The following PLA1A variants were observed in gnomAD, a reference collection of about 807,000 sequenced individuals.
The protein encoded by PLA1A is phospholipase A1 member A, also known as phosphatidylserine-specific phospholipase A1alpha.
Under a neutral mutation model 49.4 loss-of-function variants are expected in PLA1A, and 47 were observed. The observed-to-expected ratio is 0.95, with a 90% CI of 0.75 to 1.21. The LOEUF (loss-of-function observed/expected upper bound fraction) is 1.21, where lower values mean the gene tolerates loss of function less well. Among genes scored for constraint, PLA1A ranks in the 50% most tolerant of loss-of-function variants. The probability of loss-of-function intolerance (pLI) is 0.00; values close to 1 mark genes in which losing one functional copy is unlikely to be tolerated. For synonymous variants in PLA1A, 224 were observed against 207.9 expected, an observed-to-expected ratio of 1.08 and a Z score of -0.67; for missense variants, 561 against 563.9, an observed-to-expected ratio of 0.99 and a Z score of 0.05.
chr3:119,629,442 T>C lies in PLA1A; in HGVS notation c.1345T>C (p.Cys449Arg). Residue 449 changes from cysteine (C) to arginine (R), a missense_variant, in exon 11 of 11, where the codon TGT becomes CGT. By Grantham distance (180) the Cys-to-Arg change is radical (BLOSUM62 -3). Coordinates refer to ENST00000273371, the MANE Select transcript of PLA1A (RefSeq NM_015900.4). The stretch of plus-strand genomic sequence containing the variant: ...CTTACAAGCAAGTGTGACTGTTTCC[T>C]GTGACCTGAAGATAGCCTGTGTGTA... ...VNLQASVTVS[C>R]DLKIACV is the part of the protein sequence containing the mutation. 2 of 1,609,448 alleles carry C rather than the reference T, an allele frequency of 1.2e-6. No homozygotes were observed. Among genetic ancestry groups the C allele is most frequent in the South Asian group, 2.2e-5 (2 of 90,970 alleles).
chr3:119,629,559 G>C lies in PLA1A; in HGVS notation c.*91G>C. The C allele has an allele frequency of 4.0e-6, 3 of 745,428 alleles. No homozygotes were observed. Among genetic ancestry groups the C allele is most frequent in the Non-Finnish European group, 7.2e-6 (3 of 415,962 alleles). 46.2% of individuals were successfully genotyped at this position (745,428 alleles called of 1,614,324 possible). ...GGATGTGTGTGTGCAGCTTATTGTA[G>C]ACCATTACTACTAAGGAGAAAAGCA... On this transcript the variant is annotated 3_prime_UTR_variant, in exon 11 of 11. Coordinates refer to ENST00000273371, the MANE Select transcript of PLA1A (RefSeq NM_015900.4).
chr3:119,615,704 C>T (rs1171923648), intron 5 of PLA1A, among the ~76,000 whole-genome samples: 1 of 152,040 alleles, frequency 6.6e-6, no homozygotes, highest in Non-Finnish European at 1.5e-5. Flanking sequence ...ATCCCAGCTA[C>T]TCCTGCTGAG....
At chr3:119,604,942 G>T (rs2082666484) in intron 1 of PLA1A, among the ~76,000 whole-genome samples, 1 of 152,120 alleles carries the variant, frequency 6.6e-6, no homozygotes, top group African/African-American at 2.4e-5. Context: ...TTATTTAGAT[G>T]ATATTGATTC....
intron 1 of PLA1A, among the ~76,000 whole-genome samples, chr3:119,601,448 G>T (rs2082617555): frequency 6.6e-6 from 1 of 152,178 alleles, no homozygotes; most frequent in African/African-American, 2.4e-5. Context: ...AAAGACTCAA[G>T]AATAGAAAAC....
Position 119,629,487 on chromosome 3 carries a change from C to A in PLA1A, c.*19C>A, listed in dbSNP as rs1209425080. The A allele has an allele frequency of 4.9e-5, 63 of 1,291,646 alleles. No homozygotes were observed. The highest frequency in any genetic ancestry group is 6.6e-5 in the Non-Finnish European group (60 of 908,542). 80.0% of individuals were successfully genotyped at this position (1,291,646 alleles called of 1,614,324 possible). ...TGTGTAGTTTAACCTGGGCAGGACACATCTCCCTGCATTTTTTTTTTTTTT... is the reference window on the plus strand; with the variant it reads ...TGTGTAGTTTAACCTGGGCAGGACAAATCTCCCTGCATTTTTTTTTTTTTT... On this transcript the variant is annotated 3_prime_UTR_variant, in exon 11 of 11. Transcript: ENST00000273371.
rs1449122885 is a variant in PLA1A at position 119,629,785 on chromosome 3, A to G, written c.*317A>G. ...CATGTACAGGGTAAACAATTTTTTA[A>G]AAATAAAACTTCATGGAGTATCTGA... On this transcript the variant is annotated 3_prime_UTR_variant, in exon 11 of 11. Transcript: ENST00000273371. 1 of 291,282 alleles carries G rather than the reference A, an allele frequency of 3.4e-6. No homozygotes were observed. The highest frequency in any genetic ancestry group is 2.2e-5 in the African/African-American group (1 of 46,438). The allele number at this position is 291,282 out of a possible 1,614,324, so 18.0% of individuals were successfully genotyped here. A position where few individuals can be genotyped will look rare whatever the true frequency, so the allele number is the denominator to read the frequency against.
At chr3:119,604,809 G>A (rs1356604044) in intron 1 of PLA1A, among the ~76,000 whole-genome samples, 2 of 152,134 alleles carry the variant, frequency 1.3e-5, no homozygotes, top group African/African-American at 2.4e-5. Context: ...TAATGGGCTG[G>A]TAAAAATACC....
At chr3:119,600,638 A>T (rs1020200242) in intron 1 of PLA1A, among the ~76,000 whole-genome samples, 3 of 152,230 alleles carry the variant, frequency 2.0e-5, no homozygotes, top group Non-Finnish European at 4.4e-5. Context: ...GAAGAAAGAA[A>T]TTGAGCGGGC....
chr3:119,604,086 T>C (rs919159554), intron 1 of PLA1A, among the ~76,000 whole-genome samples: 2 of 152,270 alleles, frequency 1.3e-5, no homozygotes, highest in African/African-American at 4.8e-5. Flanking sequence ...TCTGTACTTT[T>C]CATTGTGATT....
At chr3:119,612,768 G>A (rs1222766572) in intron 4 of PLA1A, among the ~76,000 whole-genome samples, 4 of 152,166 alleles carry the variant, frequency 2.6e-5, no homozygotes, top group Admixed American at 6.5e-5. Context: ...GATTACAGGC[G>A]TGAGTCACCG....
chr3:119,617,406 C>T (rs543299863), intron 6 of PLA1A, among the ~76,000 whole-genome samples: 1 of 152,040 alleles, frequency 6.6e-6, no homozygotes, highest in East Asian at 1.9e-4. Context: ...CATCAACTCT[C>T]TATATATTCC....
chr3:119,610,681 G>A (rs2082753458), intron 4 of PLA1A, among the ~76,000 whole-genome samples: 1 of 151,884 alleles, frequency 6.6e-6, no homozygotes, highest in Non-Finnish European at 1.5e-5. Flanking sequence ...TTGTTGATTT[G>A]TTCAAGTTCC....
At position 119,629,598 on chromosome 3, in the gene PLA1A, T is replaced by C; in HGVS notation, c.*130T>C. The C allele has an allele frequency of 1.6e-6, 1 of 624,188 alleles. No individual in the cohort carries two copies. The highest frequency in any genetic ancestry group is 2.6e-5 in the East Asian group (1 of 37,748). The allele number at this position is 624,188 out of a possible 1,614,324, so 38.7% of individuals were successfully genotyped here. A position where few individuals can be genotyped will look rare whatever the true frequency, so the allele number is the denominator to read the frequency against. On this transcript the variant is annotated 3_prime_UTR_variant, in exon 11 of 11. Transcript: ENST00000273371. ...AGGAGAAAAGCAAAGCTCTTTCTTA[T>C]TTTCCTCATAATCAGCTACCCTGGA...
At position 119,625,158 on chromosome 3, in the gene PLA1A, A is replaced by G. The variant is rs1435566932; in HGVS notation, c.1047A>G (p.Glu349=). 3 of 1,613,510 alleles carry G rather than the reference A, an allele frequency of 1.9e-6. No individual in the cohort carries two copies. In the African/African-American group the frequency reaches 4.0e-5, roughly 22 times the overall value. ...HHSLVEFHLK[E]LRNKDTNIEV... ...GCCTCGTGGAGTTTCACTTGAAGGA[A>G]CTGAGAAACAAGGACACCAACATCG... The change falls in exon 9 of 11, where the codon GAA becomes GAG. Residue 349 remains glutamate, a synonymous_variant. Transcript: ENST00000273371.
At chr3:119,624,448 T>C (rs182028931) in intron 8 of PLA1A, among the ~76,000 whole-genome samples, 6 of 152,288 alleles carry the variant, frequency 3.9e-5, no homozygotes, top group African/African-American at 1.4e-4. Flanking sequence ...AAGATAGCCG[T>C]ATATGATAGA....
intron 9 of PLA1A, among the ~76,000 whole-genome samples, chr3:119,625,874 T>C (rs1469658798): frequency 6.6e-6 from 1 of 152,120 alleles, no homozygotes; most frequent in African/African-American, 2.4e-5. Context: ...AGCCACAGCC[T>C]GCAGGGGATA....
intron 8 of PLA1A, among the ~76,000 whole-genome samples, chr3:119,622,149 G>GAA (rs2082945426): frequency 1.3e-4 from 16 of 126,290 alleles, no homozygotes; most frequent in African/African-American, 3.4e-4. Flanking sequence ...AGGAGGAGGA[G>GAA]GAAGAAGAAG....
intron 1 of PLA1A, among the ~76,000 whole-genome samples, chr3:119,602,251 C>T (rs567191033): frequency 6.6e-6 from 1 of 152,218 alleles, no homozygotes; most frequent in African/African-American, 2.4e-5. Flanking sequence ...AATAGAATTC[C>T]TCTGTGAAAC....
chr3:119,603,947 A>G (rs1255077937), intron 1 of PLA1A, among the ~76,000 whole-genome samples: 1 of 152,174 alleles, frequency 6.6e-6, no homozygotes, highest in Non-Finnish European at 1.5e-5. Context: ...TTCTGTAGGA[A>G]CTCAACCACT....
Sources: allele counts gnomAD v4.1 joint callset (sites outside exome capture counted in the v4.1 genomes callset), GRCh38; gene constraint gnomAD v4.1.1; transcripts MANE v1.5; gene names NCBI Gene and HGNC (gene_info 2026-07-23, HGNC 2026-07-21).